ADK: variants seen among roughly 807,000 people sequenced by gnomAD.
The protein encoded by ADK is adenosine kinase, also known as N6,N6-dimethyladenosine kinase.
Under a neutral mutation model 44.7 loss-of-function variants are expected in ADK, and 24 were observed. The observed-to-expected ratio is 0.54, with a 90% CI of 0.39 to 0.76. The LOEUF is 0.76. Ranked by LOEUF, ADK falls within the 30% of genes least tolerant of loss-of-function variation. The probability of loss-of-function intolerance (pLI) is 0.00; values close to 1 mark genes in which losing one functional copy is unlikely to be tolerated. For missense variants in ADK, 321 were observed against 425.1 expected, an observed-to-expected ratio of 0.76 and a Z score of 2.15; for synonymous variants, 128 against 142.6, an observed-to-expected ratio of 0.90 and a Z score of 0.73.
intron 3 of ADK, among the ~76,000 whole-genome samples, chr10:74,234,726 G>A (rs1412136219): frequency 1.3e-5 from 2 of 152,006 alleles, no homozygotes; most frequent in Middle Eastern, 3.2e-3. Flanking sequence ...TTTTTTTGAA[G>A]TTCATGTATT....
intron 1 of ADK, among the ~76,000 whole-genome samples, chr10:74,166,923 T>C (rs1374270861): frequency 6.6e-6 from 1 of 152,192 alleles, no homozygotes; most frequent in Non-Finnish European, 1.5e-5. Flanking sequence ...ACCTGAGTCC[T>C]ATTAAGGTCT....
At chr10:74,389,882 A>G (rs1171676761) in intron 4 of ADK, among the ~76,000 whole-genome samples, 7 of 152,166 alleles carry the variant, frequency 4.6e-5, no homozygotes, top group Non-Finnish European at 1.0e-4. Flanking sequence ...AATCAGGTTT[A>G]AGCCTGACAG....
chr10:74,157,816 C>T (rs563128497), intron 1 of ADK, among the ~76,000 whole-genome samples: 39 of 152,158 alleles, frequency 2.6e-4, no homozygotes, highest in African/African-American at 7.7e-4. Context: ...CTCTTGAACC[C>T]GGGAAGTGGA....
chr10:74,454,363 C>CA (rs1364844872), intron 6 of ADK, among the ~76,000 whole-genome samples: 1 of 151,570 alleles, frequency 6.6e-6, no homozygotes, highest in Non-Finnish European at 1.5e-5. Flanking sequence ...CTCATTTATG[C>CA]AAAAAATATT....
At chr10:74,197,354 G>T (rs1156622205) in intron 1 of ADK, among the ~76,000 whole-genome samples, 3 of 152,078 alleles carry the variant, frequency 2.0e-5, no homozygotes, top group African/African-American at 4.8e-5. Context: ...TAACATTTAG[G>T]CCCAGAGATG....
chr10:74,699,853 G>A (rs994763922), intron 10 of ADK, among the ~76,000 whole-genome samples: 12 of 152,064 alleles, frequency 7.9e-5, no homozygotes, highest in African/African-American at 1.2e-4. Flanking sequence ...CTAACCCATC[G>A]GACTGGCAAA....
At chr10:74,154,153 A>G (rs1564563813) in intron 1 of ADK, among the ~76,000 whole-genome samples, 1 of 152,108 alleles carries the variant, frequency 6.6e-6, no homozygotes, top group Non-Finnish European at 1.5e-5. Context: ...CTCTTGGGGA[A>G]GTGCAGATAG....
chr10:74,527,373 A>AAAC (rs1491474211), intron 7 of ADK, among the ~76,000 whole-genome samples: 2,440 of 41,534 alleles, frequency 0.059, 71 homozygotes, highest in African/African-American at 0.41. Flanking sequence ...ACAAACAAAC[A>AAAC]AAAAAAAAAA....
chr10:74,591,159 A>G (rs918144393), intron 8 of ADK, among the ~76,000 whole-genome samples: 5 of 152,090 alleles, frequency 3.3e-5, no homozygotes, highest in South Asian at 2.1e-4. Context: ...CCTGGTTTAC[A>G]TTCAGTCATA....
intron 3 of ADK, among the ~76,000 whole-genome samples, chr10:74,312,560 TA>T (rs901813423): frequency 2.0e-5 from 3 of 151,798 alleles, no homozygotes; most frequent in African/African-American, 2.4e-5. Context: ...AAACACCAGT[TA>T]AAAAAATCCT....
At chr10:74,615,211 C>T (rs998996997) in intron 9 of ADK, among the ~76,000 whole-genome samples, 3 of 152,000 alleles carry the variant, frequency 2.0e-5, no homozygotes, top group Non-Finnish European at 4.4e-5. Context: ...TTCTGTAGCC[C>T]AATAGTGTCC....
At chr10:74,477,425 C>T (rs1846895372) in intron 6 of ADK, among the ~76,000 whole-genome samples, 1 of 152,110 alleles carries the variant, frequency 6.6e-6, no homozygotes, top group African/African-American at 2.4e-5. Context: ...CCAGGCTGGT[C>T]TCAAACTCCT....
intron 6 of ADK, among the ~76,000 whole-genome samples, chr10:74,461,146 A>G (rs1008547898): frequency 6.7e-6 from 1 of 148,788 alleles, no homozygotes. Flanking sequence ...CGGAAATAGA[A>G]TTTTTTTTTT....
At chr10:74,223,951 T>C (rs928395179) in intron 2 of ADK, among the ~76,000 whole-genome samples, 4 of 152,110 alleles carry the variant, frequency 2.6e-5, no homozygotes, top group Non-Finnish European at 5.9e-5. Context: ...TAGCCAGGCA[T>C]GGTGGTGCGT....
chr10:74,294,529 T>A (rs1839742858), intron 3 of ADK, among the ~76,000 whole-genome samples: 1 of 152,174 alleles, frequency 6.6e-6, no homozygotes, highest in Non-Finnish European at 1.5e-5. Context: ...TCAGGTGATC[T>A]GCCTGCCTTG....
chr10:74,374,332 GT>G (rs1485631726), intron 4 of ADK, among the ~76,000 whole-genome samples: 4 of 152,066 alleles, frequency 2.6e-5, no homozygotes, highest in Non-Finnish European at 5.9e-5. Flanking sequence ...TTATTGGTCT[GT>G]TTTACCCTTT....
intron 10 of ADK, among the ~76,000 whole-genome samples, chr10:74,686,857 T>C (rs1362732759): frequency 2.0e-5 from 3 of 151,970 alleles, no homozygotes; most frequent in Non-Finnish European, 2.9e-5. Context: ...TTTTGTATTT[T>C]AGTAGAGACA....
At chr10:74,176,959 C>A (rs972057268) in intron 1 of ADK, 1 of 1,589,948 alleles carries the variant, frequency 6.3e-7, no homozygotes, top group South Asian at 1.1e-5. Flanking sequence ...CACTGTCGCT[C>A]CTTCTCGCGG....
intron 3 of ADK, among the ~76,000 whole-genome samples, chr10:74,243,162 C>T (rs893970567): frequency 1.2e-4 from 18 of 152,218 alleles, no homozygotes; most frequent in Admixed American, 6.5e-4. Context: ...TAAAAGACCA[C>T]TGTAACACTT....
Sources: allele counts gnomAD v4.1 joint callset (sites outside exome capture counted in the v4.1 genomes callset), GRCh38; gene constraint gnomAD v4.1.1; transcripts MANE v1.5; gene names NCBI Gene and HGNC (gene_info 2026-07-23, HGNC 2026-07-21).